TANGO6: variants seen among roughly 807,000 people sequenced by gnomAD.
TANGO6 encodes transport and Golgi organization protein 6 homolog.
Under a neutral mutation model 114.2 loss-of-function variants are expected in TANGO6, and 90 were observed. That is an observed-to-expected ratio of 0.79 (90% confidence interval 0.66 to 0.94). The LOEUF (loss-of-function observed/expected upper bound fraction) is 0.94. TANGO6 is among the 40% of genes least tolerant of loss of function. The pLI is 0.00. For synonymous variants in TANGO6, 477 were observed against 509.8 expected (o/e 0.94, Z 0.87); for missense variants, 1,274 against 1,315.3 (o/e 0.97, Z 0.49).
chr16:68,986,537 G>A (rs1224189263), intron 15 of TANGO6, among the ~76,000 whole-genome samples: 1 of 151,978 alleles, frequency 6.6e-6, no homozygotes, highest in African/African-American at 2.4e-5. Flanking sequence ...TCATCCAAGT[G>A]ATGAGTATCA....
At chr16:68,930,327 A>T (rs1430783569) in intron 14 of TANGO6, 32 bp downstream of exon 14, 1 of 1,514,744 alleles carries the variant, frequency 6.6e-7, no homozygotes, top group African/African-American at 1.4e-5. Context: ...GACTTTAAGT[A>T]TGTGGACCAG....
chr16:68,906,123 TG>T (rs1264505487), intron 9 of TANGO6, among the ~76,000 whole-genome samples: 1 of 151,968 alleles, frequency 6.6e-6, no homozygotes. Flanking sequence ...GAGGTTGCAG[TG>T]AGCCAAGATC....
At chr16:69,013,954 G>A (rs1959239178) in intron 15 of TANGO6, among the ~76,000 whole-genome samples, 1 of 152,010 alleles carries the variant, frequency 6.6e-6, no homozygotes, top group South Asian at 2.1e-4. Flanking sequence ...CACCGTGCCT[G>A]GCCCCCAAGT....
intron 15 of TANGO6, 82 bp downstream of exon 15, chr16:68,974,250 T>C (rs1030000661): frequency 2.0e-6 from 3 of 1,531,686 alleles, no homozygotes; most frequent in Non-Finnish European, 2.7e-6. Context: ...ACCTGGGGGC[T>C]TGTTACACTA....
intron 15 of TANGO6, among the ~76,000 whole-genome samples, chr16:69,011,260 A>T (rs1964140902): frequency 6.6e-6 from 1 of 152,172 alleles, no homozygotes; most frequent in South Asian, 2.1e-4. Flanking sequence ...AAGGGGGGGC[A>T]GGAGGAGAAA....
chr16:69,005,442 T>C (rs1032584267), intron 15 of TANGO6, among the ~76,000 whole-genome samples: 2 of 152,154 alleles, frequency 1.3e-5, no homozygotes, highest in Non-Finnish European at 2.9e-5. Flanking sequence ...AGAGGTCTTA[T>C]GGCCACTTTC....
At chr16:68,929,542 C>A (rs183898567) in intron 13 of TANGO6, among the ~76,000 whole-genome samples, 5 of 152,240 alleles carry the variant, frequency 3.3e-5, no homozygotes, top group Admixed American at 3.3e-4. Context: ...ATTACTGTGC[C>A]AACGAAGAAC....
At chr16:68,865,180 G>A (rs1297942668) in intron 3 of TANGO6, among the ~76,000 whole-genome samples, 1 of 151,878 alleles carries the variant, frequency 6.6e-6, no homozygotes, top group Non-Finnish European at 1.5e-5. Flanking sequence ...TGGAGGTTGA[G>A]GCAAAGAATT....
rs892106303 is a variant in TANGO6 at position 68,951,652 on chromosome 16, G to T, written c.2701+21357G>T. Among the ~76,000 whole-genome samples, 14 of 138,388 alleles carry T rather than the reference G, an allele frequency of 1.0e-4. 1 individual carries two copies. The highest frequency in any genetic ancestry group is 1.7e-4 in the Non-Finnish European group (11 of 66,036). 90.8% of individuals were successfully genotyped at this position (138,388 alleles called of 152,430 possible). On this transcript the variant is annotated intron_variant, in intron 14 of 17. Transcript: ENST00000261778. ...TTTTGAGACAGAGTCTCGCTCTATC[G>T]CCTAAGCTAGAGTGCAGTGGCGTGA...
intron 15 of TANGO6, among the ~76,000 whole-genome samples, chr16:69,003,931 TTTTC>T (rs1020441235): frequency 3.9e-5 from 6 of 152,128 alleles, no homozygotes; most frequent in Admixed American, 6.5e-5. Context: ...TTACTGTTTT[TTTTC>T]TTTCTATCTT....
chr16:69,020,757 C>T (rs929835702), intron 15 of TANGO6, among the ~76,000 whole-genome samples: 1 of 151,990 alleles, frequency 6.6e-6, no homozygotes, highest in East Asian at 1.9e-4. Flanking sequence ...AAAAATTAGG[C>T]GCGATGGCAT....
rs1312255954 is a variant in TANGO6, at chr16:68,980,407, CTCTATATA to C, written c.2842+6241_2842+6248del. Among the ~76,000 whole-genome samples the C allele has an allele frequency of 9.2e-4, 62 of 67,594 alleles. 1 individual carries two copies. Among genetic ancestry groups the C allele is most frequent in the African/African-American group, 3.9e-3 (60 of 15,400 alleles). The allele number at this position is 67,594 out of a possible 152,430, so 44.3% of individuals were successfully genotyped here. On this transcript the variant is annotated intron_variant, in intron 15 of 17. Transcript: ENST00000261778. Reference sequence around the variant, plus strand: ...ATTCTCTCTCTCTCTCTCTCTCTCTCTCTATATATATATATATATATATATATATTTTT... The same window carrying C: ...ATTCTCTCTCTCTCTCTCTCTCTCTCTATATATATATATATATATATTTTT...
In TANGO6 at chr16:68,974,134, CG is replaced by C; in HGVS notation, c.2812del (p.Glu938LysfsTer10). ...KHTPETRMKV[G>X]EVLMRIVRAL... ...ACACACCAGAGACCAGAATGAAAGTCGGGGAAGTCCTTATGCGAATCGTCAG... is the reference window on the plus strand; with the variant it reads ...ACACACCAGAGACCAGAATGAAAGTCGGGAAGTCCTTATGCGAATCGTCAG... On this transcript the variant is annotated frameshift_variant, in exon 15 of 18. Coordinates refer to ENST00000261778, the MANE Select transcript of TANGO6 (RefSeq NM_024562.2). LOFTEE classifies it high-confidence loss of function. 6.2e-7 allele frequency: 1 copy of C among 1,613,786 alleles called. No individual in the cohort carries two copies. Among genetic ancestry groups the C allele is most frequent in the African/African-American group, 1.3e-5 (1 of 75,014 alleles).
chr16:68,909,073 G>T, intron 10 of TANGO6, 138 bp from the exon 11 acceptor site: 1 of 699,782 alleles, frequency 1.4e-6, no homozygotes, highest in Non-Finnish European at 2.0e-6. Context: ...CCAAGTTTTG[G>T]CTATTATAAA....
chr16:68,966,416 A>G (rs1016911044), intron 14 of TANGO6, among the ~76,000 whole-genome samples: 6 of 151,916 alleles, frequency 3.9e-5, no homozygotes, highest in African/African-American at 1.5e-4. Context: ...AGACAGGAGA[A>G]TCATTTGAAT....
At chr16:68,969,864 C>T (rs571736184) in intron 14 of TANGO6, among the ~76,000 whole-genome samples, 22 of 152,198 alleles carry the variant, frequency 1.4e-4, no homozygotes, top group African/African-American at 3.1e-4. Flanking sequence ...AAGATGCCAT[C>T]GGGTCTCTTC....
chr16:68,854,253 A>C (rs1310557411), intron 1 of TANGO6, among the ~76,000 whole-genome samples: 1 of 152,190 alleles, frequency 6.6e-6, no homozygotes, highest in Non-Finnish European at 1.5e-5. Context: ...TAGGAGTTCA[A>C]GACCAGCCTG....
intron 17 of TANGO6, among the ~76,000 whole-genome samples, chr16:69,071,397 G>A (rs12325286): frequency 0.025 from 3,848 of 152,212 alleles, 164 homozygotes; most frequent in African/African-American, 0.087. Context: ...ACCTCTGCTA[G>A]ATCACCGTGT....
rs145753356 is a variant in TANGO6 at position 68,930,336 on chromosome 16, A to G, written c.2701+41A>G. The G allele has an allele frequency of 2.4e-5, 36 of 1,489,024 alleles. 1 individual carries two copies. In the East Asian group the frequency reaches 8.3e-4, roughly 35 times the overall value. 92.2% of individuals were successfully genotyped at this position (1,489,024 alleles called of 1,614,324 possible). On this transcript the variant is annotated intron_variant, in intron 14 of 17. Coordinates refer to ENST00000261778, the MANE Select transcript of TANGO6 (RefSeq NM_024562.2). ...TTAAAGGACTTTAAGTATGTGGACC[A>G]GAGACTGTATCATGTTTATTTGCAC...
Sources: gnomAD v4.1 joint callset for allele counts (sites outside exome capture counted in the v4.1 genomes callset) on GRCh38, gnomAD v4.1.1 for gene constraint, MANE v1.5 for transcripts, NCBI Gene and HGNC (gene_info 2026-07-23, HGNC 2026-07-21) for gene names.